The following AGAP2 variants were observed in gnomAD, a reference collection of about 807,000 sequenced individuals.
AGAP2 encodes the protein arf-GAP with GTPase, ANK repeat and PH domain-containing protein 2.
AGAP2 carries 32 observed loss-of-function variants against 110.9 expected under a neutral mutation model. The observed-to-expected ratio is 0.29, with a 90% CI of 0.22 to 0.39. The LOEUF (loss-of-function observed/expected upper bound fraction) is 0.39. AGAP2 is among the 10% of genes least tolerant of loss of function. The pLI is 1.00. For synonymous variants in AGAP2, 702 were observed against 713.0 expected, an observed-to-expected ratio of 0.98 and a Z score of 0.25; for missense variants, 1,285 against 1,638.5, an observed-to-expected ratio of 0.78 and a Z score of 3.72.
In AGAP2 at chr12:57,730,122, A is replaced by ATT. The variant is rs149047492; in HGVS notation, c.2429-356_2429-355insAA. Among the ~76,000 whole-genome samples, 92 of 125,456 alleles carry ATT rather than the reference A, an allele frequency of 7.3e-4. 1 individual carries two copies. The East Asian group carries it at 0.011, about 15-fold the overall frequency. 82.3% of individuals were successfully genotyped at this position (125,456 alleles called of 152,430 possible). On this transcript the variant is annotated intron_variant, in intron 12 of 18. Coordinates refer to ENST00000547588, the MANE Select transcript of AGAP2 (RefSeq NM_001122772.3). ...AATGTTATTTGCATACTATATATATATATTTTTTTTCAAACATGTCAAACA... is the reference window on the plus strand; with the variant it reads ...AATGTTATTTGCATACTATATATATATTTATTTTTTTTCAAACATGTCAAACA...
At position 57,730,891 on chromosome 12, in the gene AGAP2, C is replaced by A; in HGVS notation, c.2208G>T (p.Pro736=). 6.2e-7 allele frequency: 1 copy of A among 1,605,134 alleles called. No individual in the cohort carries two copies. ...AGATGGCCCTCGGGGGCCGCTTGCC[C>A]GGGACTTTGACTGTTGTTCGCAGCA... ...MDLLRTTVKV[P]GKRPPRAISA... The change falls in exon 11 of 19, where the codon CCG becomes CCT. Residue 736 remains proline (P), a synonymous_variant. Transcript: ENST00000547588.
chr12:57,726,949 C>A lies in AGAP2; in HGVS notation c.3336+25G>T, dbSNP rs754942371. 3.3e-6 allele frequency: 5 copies of A among 1,517,754 alleles called. No individual in the cohort carries two copies. The highest frequency in any genetic ancestry group is 4.4e-6 in the Non-Finnish European group (5 of 1,137,102). The allele number at this position is 1,517,754 out of a possible 1,614,324, so 94.0% of individuals were successfully genotyped here. The stretch of plus-strand genomic sequence containing the variant: ...TTCCGAGATGAAGCCTCAAAGACCC[C>A]CTTTCCTCCCCCCAGCTCACGTACC... On this transcript the variant is annotated intron_variant, in intron 18 of 18. Coordinates refer to ENST00000547588, the MANE Select transcript of AGAP2 (RefSeq NM_001122772.3). This position sits in a 1 kb window ranked among gnomAD's most constrained non-coding sequence, Gnocchi z 5.7.
At chr12:57,732,632 C>A in intron 6 of AGAP2, 120 bp from the exon 7 acceptor site, 1 of 1,280,592 alleles carries the variant, frequency 7.8e-7, no homozygotes, top group Non-Finnish European at 1.1e-6. Context: ...GTCACTGTGG[C>A]CTCCATGCCA....
At position 57,727,536 on chromosome 12, in the gene AGAP2, C is replaced by T. The variant is rs746755869; in HGVS notation, c.2904G>A (p.Glu968=). The T allele has an allele frequency of 1.2e-6, 2 of 1,612,172 alleles. No homozygotes were observed. Among genetic ancestry groups the T allele is most frequent in the Admixed American group, 3.3e-5 (2 of 59,892 alleles). ...CCAGGTTGCGGTGGATGCCAGAACA[C>T]TCGATGCAGATGAGGGCGCCCAGGT... The part of the protein sequence containing the change: ...SLNLGALICI[E]CSGIHRNLGT... The change falls in exon 17 of 19, where the codon GAG becomes GAA. Residue 968 remains glutamate, a synonymous_variant. Transcript: ENST00000547588.
intron 7 of AGAP2, among the ~76,000 whole-genome samples, 178 bp downstream of exon 7, chr12:57,732,225 A>G (rs1954899590): frequency 6.6e-6 from 1 of 152,204 alleles, no homozygotes; most frequent in South Asian, 2.1e-4. Flanking sequence ...GACACTGCAA[A>G]TGATGTCTCA....
Position 57,737,737 on chromosome 12 carries a change from G to T in AGAP2, c.510C>A (p.His170Gln). 1 of 1,543,034 alleles carries T rather than the reference G, an allele frequency of 6.5e-7. No individual in the cohort carries two copies. Residue 170 changes from histidine (H) to glutamine (Q), a missense_variant, in exon 1 of 19, where the codon CAC becomes CAA. Physicochemically the swap from His to Gln is conservative, Grantham distance 24 (BLOSUM62 0). Transcript: ENST00000547588. The surrounding 1 kb of genome is among the most constrained non-coding windows in gnomAD (Gnocchi z 5.9). ...GGGIPGSSSP[H>Q]PGTGSRRLKV... ...TGAGCCTCCGGCTGCCGGTGCCAGG[G>T]TGCGGAGAGGATGAGCCAGGGATGC...
At position 57,730,123 on chromosome 12, in the gene AGAP2, TA is replaced by T. The variant is rs201624437; in HGVS notation, c.2429-357del. ...ATGTTATTTGCATACTATATATATA[TA>T]TTTTTTTTCAAACATGTCAAACATG... On this transcript the variant is annotated intron_variant, in intron 12 of 18. Coordinates refer to ENST00000547588, the MANE Select transcript of AGAP2 (RefSeq NM_001122772.3). Among the ~76,000 whole-genome samples, 131 of 56,744 alleles carry T rather than the reference TA, an allele frequency of 2.3e-3. 1 individual carries two copies. Among genetic ancestry groups the T allele is most frequent in the African/African-American group, 3.6e-3 (97 of 26,578 alleles). The allele number at this position is 56,744 out of a possible 152,430, so 37.2% of individuals were successfully genotyped here. A position where few individuals can be genotyped will look rare whatever the true frequency, so the allele number is the denominator to read the frequency against.
chr12:57,727,265 GACCCCCAGC>G, intron 17 of AGAP2, 36 bp from the exon 18 acceptor site: 2 of 1,612,324 alleles, frequency 1.2e-6, no homozygotes, highest in Non-Finnish European at 1.7e-6. Flanking sequence ...AGGCTCTAGG[GACCCCCAGC>G]CAGGACTTCT....
In AGAP2 at chr12:57,735,413, T is replaced by C. The variant is rs1954961738; in HGVS notation, c.1183A>G (p.Ser395Gly). The change falls in exon 2 of 19, where the codon AGC becomes GGC. Residue 395 changes from serine to glycine, a missense_variant. Coordinates refer to ENST00000547588, the MANE Select transcript of AGAP2 (RefSeq NM_001122772.3). Reference protein sequence around the residue: ...LRASPKAVINSQEWTLSRSIP... With the variant: ...LRASPKAVINGQEWTLSRSIP... Reference sequence around the variant, plus strand: ...GAGCGGCTCAAAGTCCATTCCTGGCTATTGATCACAGCCTCTGTAACGGGA... The same window carrying C: ...GAGCGGCTCAAAGTCCATTCCTGGCCATTGATCACAGCCTCTGTAACGGGA... The C allele has an allele frequency of 6.2e-7, 1 of 1,613,702 alleles. No individual in the cohort carries two copies. The highest frequency in any genetic ancestry group is 1.3e-5 in the African/African-American group (1 of 74,890).
Position 57,731,366 on chromosome 12 carries a change from G to A in AGAP2, c.2145C>T (p.Asn715=), listed in dbSNP as rs180748572. ...NGFLLYHPSI[N]DYIHSTHGKE... Reference sequence around the variant, plus strand: ...ATGTGGCCCAGTCTCTGCCACTCACGTTAATACTGGGGTGGTAGAGTAGAA... The same window carrying A: ...ATGTGGCCCAGTCTCTGCCACTCACATTAATACTGGGGTGGTAGAGTAGAA... Residue 715 remains asparagine (N), a splice_region_variant and synonymous_variant, in exon 10 of 19, where the codon AAC becomes AAT. Transcript: ENST00000547588. 229 of 1,612,576 alleles carry A rather than the reference G, an allele frequency of 1.4e-4. No individual in the cohort carries two copies. The East Asian group carries it at 3.7e-3, about 26-fold the overall frequency.
At chr12:57,732,746 C>T in intron 6 of AGAP2, 99 bp downstream of exon 6, 1 of 1,556,262 alleles carries the variant, frequency 6.4e-7, no homozygotes, top group Non-Finnish European at 8.7e-7. Context: ...AGGCTAATTT[C>T]CTGTCACTCA....
In AGAP2 at chr12:57,727,015, C is replaced by A; in HGVS notation, c.3295G>T (p.Ala1099Ser). 1 of 1,607,132 alleles carries A rather than the reference C, an allele frequency of 6.2e-7. No homozygotes were observed. Among genetic ancestry groups the A allele is most frequent in the East Asian group, 2.2e-5 (1 of 44,716 alleles). The change falls in exon 18 of 19, where the codon GCC becomes TCC. Residue 1099 changes from alanine (A) to serine (S), a missense_variant. By Grantham distance (99) the Ala-to-Ser change is moderately conservative. Coordinates refer to ENST00000547588, the MANE Select transcript of AGAP2 (RefSeq NM_001122772.3). ...PQLRSPLHLAAELAHVVITQL... is the reference protein window; with the variant it reads ...PQLRSPLHLASELAHVVITQL... ...GTGATGACGACGTGGGCGAGCTCGG[C>A]CGCCAGGTGGAGTGGGGAGCGCAGC... is the stretch of plus-strand genomic sequence containing the variant.
At chr12:57,730,259 G>A (rs1490552623) in intron 12 of AGAP2, 1 of 583,430 alleles carries the variant, frequency 1.7e-6, no homozygotes, top group Non-Finnish European at 3.0e-6. Flanking sequence ...GGCACGGAGA[G>A]GTCAAGTAAC....
chr12:57,727,767 C>T lies in AGAP2; in HGVS notation c.2771G>A (p.Arg924His). The change falls in exon 16 of 19, where the codon CGC becomes CAC. Residue 924 changes from arginine (R) to histidine (H), a missense_variant. Physicochemically the swap from Arg to His is conservative, Grantham distance 29. Coordinates refer to ENST00000547588, the MANE Select transcript of AGAP2 (RefSeq NM_001122772.3). ...QCCESSKVKLRTDSQSEAVAI... is the reference protein window; with the variant it reads ...QCCESSKVKLHTDSQSEAVAI... Reference sequence around the variant, plus strand: ...CACGGCCTCGCTTTGGCTGTCTGTGCGCAGCTGCAGAGAGGGTTTGGGTTG... The same window carrying T: ...CACGGCCTCGCTTTGGCTGTCTGTGTGCAGCTGCAGAGAGGGTTTGGGTTG... 5 of 1,578,994 alleles carry T rather than the reference C, an allele frequency of 3.2e-6. No homozygotes were observed. Among genetic ancestry groups the T allele is most frequent in the South Asian group, 1.2e-5 (1 of 84,532 alleles).
Position 57,731,578 on chromosome 12 carries a change from C to T in AGAP2, c.2018G>A (p.Gly673Glu). The change falls in exon 9 of 19, where the codon GGG (glycine) becomes GAG (glutamate). Residue 673 changes from glycine to glutamate, a missense_variant. By Grantham distance (98) the Gly-to-Glu change is moderately conservative (BLOSUM62 -2). Transcript: ENST00000547588. ...LDSRGETTGS[G>E]RAIPIKQSFL... is the part of the protein sequence containing the mutation. ...CACCTGTTTGATGGGGATGGCTCGCCCACTCCCTGTTGTCTCTCCCCGACT... is the reference window on the plus strand; with the variant it reads ...CACCTGTTTGATGGGGATGGCTCGCTCACTCCCTGTTGTCTCTCCCCGACT... The T allele has an allele frequency of 6.2e-7, 1 of 1,614,056 alleles. No individual in the cohort carries two copies. Among genetic ancestry groups the T allele is most frequent in the Non-Finnish European group, 8.5e-7 (1 of 1,180,010 alleles).
At chr12:57,732,673 AAAGAC>A (rs1954909040) in intron 6 of AGAP2, among the ~76,000 whole-genome samples, 161 bp from the exon 7 acceptor site, 2 of 152,204 alleles carry the variant, frequency 1.3e-5, no homozygotes, top group African/African-American at 4.8e-5. Context: ...TCCAGCCCAG[AAAGAC>A]CTTGCGACTA....
In AGAP2 at chr12:57,738,570, G is replaced by A. The variant is rs1338457943; in HGVS notation, c.-324C>T. Among the ~76,000 whole-genome samples, 8 of 152,000 alleles carry A rather than the reference G, an allele frequency of 5.3e-5. No homozygotes were observed. In the East Asian group the frequency reaches 1.6e-3, roughly 30 times the overall value. On this transcript the variant is annotated 5_prime_UTR_variant, in exon 1 of 19. Coordinates refer to ENST00000547588, the MANE Select transcript of AGAP2 (RefSeq NM_001122772.3). The surrounding 1 kb of genome is among the most constrained non-coding windows in gnomAD (Gnocchi z 6.7). ...TGAGATGGGTGGGGGAGGGCGGGGAGGACAGTAGTGGGGGCAAATGGGGGA... is the reference window on the plus strand; with the variant it reads ...TGAGATGGGTGGGGGAGGGCGGGGAAGACAGTAGTGGGGGCAAATGGGGGA...
Position 57,726,643 on chromosome 12 carries a change from G to A in AGAP2, c.3488C>T (p.Thr1163Ile), listed in dbSNP as rs1409205298. 7 of 1,197,338 alleles carry A rather than the reference G, an allele frequency of 5.8e-6. No homozygotes were observed. Among genetic ancestry groups the A allele is most frequent in the Admixed American group, 4.5e-5 (1 of 22,080 alleles). 74.2% of individuals were successfully genotyped at this position (1,197,338 alleles called of 1,614,324 possible). Residue 1163 changes from threonine to isoleucine, a missense_variant, in exon 19 of 19, where the codon ACC becomes ATC. Physicochemically the swap from Thr to Ile is moderately conservative, Grantham distance 89. This residue lies in a region of AGAP2 where 201 missense variants were observed against 276.1 expected (regional missense o/e 0.73). Coordinates refer to ENST00000547588, the MANE Select transcript of AGAP2 (RefSeq NM_001122772.3). This position sits in a 1 kb window ranked among gnomAD's most constrained non-coding sequence, Gnocchi z 5.7. ...GGGCGTGGCGGTGATGCTGGGCGTG[G>A]TGGCCGCGCTGGGCGTGGTGGCCGC... is the stretch of plus-strand genomic sequence containing the variant. ...GSAATTPSAA[T>I]TPSITATPSP...
chr12:57,727,619 C>A (rs759923086), intron 16 of AGAP2, 37 bp from the exon 17 acceptor site: 1 of 1,590,726 alleles, frequency 6.3e-7, no homozygotes, highest in Non-Finnish European at 8.5e-7. Flanking sequence ...CCCAGCCGGG[C>A]AGCACAGGCA....
Sources: gnomAD v4.1 joint callset for allele counts (sites outside exome capture counted in the v4.1 genomes callset) on GRCh38, gnomAD v4.1.1 for gene constraint, gnomAD v4.1.1 regional missense constraint, Gnocchi (gnomAD v3.1) non-coding constraint, MANE v1.5 for transcripts, NCBI Gene and HGNC (gene_info 2026-07-23, HGNC 2026-07-21) for gene names.